GRIN3A: variants seen among roughly 807,000 people sequenced by gnomAD.
GRIN3A encodes glutamate receptor ionotropic, NMDA 3A.
A neutral mutation model predicts 92.4 loss-of-function variants in GRIN3A; 47 were observed. The observed-to-expected ratio is 0.51, with a 90% CI of 0.40 to 0.65. GRIN3A has a LOEUF of 0.65. Among genes scored for constraint, GRIN3A ranks in the 30% least tolerant of loss-of-function variants. GRIN3A has a pLI of 0.00. For missense variants in GRIN3A, 1,324 were observed against 1,393.1 expected (o/e 0.95, Z 0.79); for synonymous variants, 527 against 540.6 (o/e 0.97, Z 0.35).
chr9:101,613,822 T>C (rs750316591), intron 5 of GRIN3A, among the ~76,000 whole-genome samples: 4 of 152,322 alleles, frequency 2.6e-5, no homozygotes, highest in Middle Eastern at 3.4e-3. Flanking sequence ...AGAGGCAATC[T>C]TTGAGGTCTT....
chr9:101,677,698 G>A (rs564017695), intron 2 of GRIN3A, among the ~76,000 whole-genome samples: 1 of 152,114 alleles, frequency 6.6e-6, no homozygotes, highest in African/African-American at 2.4e-5. Flanking sequence ...GCCGAGCCCT[G>A]TGGTATCTGC....
chr9:101,576,150 C>A (rs1164475000), intron 8 of GRIN3A, among the ~76,000 whole-genome samples: 4 of 152,160 alleles, frequency 2.6e-5, no homozygotes, highest in Non-Finnish European at 2.9e-5. Context: ...TTGATTCAAG[C>A]CTTCGTCAGT....
intron 3 of GRIN3A, among the ~76,000 whole-genome samples, chr9:101,652,903 A>C (rs2118919644): frequency 6.6e-6 from 1 of 151,170 alleles, no homozygotes; most frequent in Non-Finnish European, 1.5e-5. Flanking sequence ...GACAGCTTCC[A>C]TTATAATCCT....
intron 1 of GRIN3A, 102 bp from the exon 2 acceptor site, chr9:101,687,302 C>G (rs909410022): frequency 8.6e-7 from 1 of 1,159,778 alleles, no homozygotes. Context: ...TTTAATTTCA[C>G]TGTGATACAT....
chr9:101,654,857 A>T (rs1273517660), intron 3 of GRIN3A, among the ~76,000 whole-genome samples: 1 of 151,792 alleles, frequency 6.6e-6, no homozygotes, highest in Non-Finnish European at 1.5e-5. Flanking sequence ...ATCTTGCTAA[A>T]GTGTAAGATT....
intron 6 of GRIN3A, among the ~76,000 whole-genome samples, chr9:101,583,478 T>C (rs571485763): frequency 6.6e-6 from 1 of 152,182 alleles, no homozygotes; most frequent in South Asian, 2.1e-4. Flanking sequence ...CTTCCCCATA[T>C]TATCAAGTGA....
At chr9:101,696,674 A>G (rs963944054) in intron 1 of GRIN3A, among the ~76,000 whole-genome samples, 3 of 152,202 alleles carry the variant, frequency 2.0e-5, no homozygotes, top group African/African-American at 7.2e-5. Flanking sequence ...AATGGGAACT[A>G]TTGAAATATG....
chr9:101,658,752 G>GTCTGTCTATCTATCTATCTATCTATCTA (rs1476543672), intron 3 of GRIN3A, among the ~76,000 whole-genome samples: 31 of 139,228 alleles, frequency 2.2e-4, no homozygotes, highest in African/African-American at 8.0e-4. Context: ...CTATCTATCT[G>GTCTGTCTATCTATCTATCTATCTATCTA]TCTATCTGTC....
chr9:101,590,917 A>AT (rs1358151441), intron 6 of GRIN3A, among the ~76,000 whole-genome samples: 1 of 152,128 alleles, frequency 6.6e-6, no homozygotes, highest in Non-Finnish European at 1.5e-5. Context: ...TCTGGAAGAT[A>AT]TTTTTTCCTT....
At chr9:101,582,648 A>G (rs181211781) in intron 6 of GRIN3A, among the ~76,000 whole-genome samples, 15 of 152,322 alleles carry the variant, frequency 9.8e-5, no homozygotes, top group Non-Finnish European at 2.1e-4. Context: ...TGTGTACAGG[A>G]TATGGCTATA....
intron 5 of GRIN3A, among the ~76,000 whole-genome samples, chr9:101,617,385 C>T (rs1828475036): frequency 6.6e-6 from 1 of 151,878 alleles, no homozygotes; most frequent in Non-Finnish European, 1.5e-5. Context: ...TCTACATATT[C>T]TAAGAATAGA....
rs185887310 is a variant in GRIN3A, at chr9:101,675,610, T to G, written c.1305-4503A>C. On this transcript the variant is annotated intron_variant, in intron 2 of 8. Coordinates refer to ENST00000361820, the MANE Select transcript of GRIN3A (RefSeq NM_133445.3). ...TCTATTGAAGGAGACAGAATACATA[T>G]GATAAATAGGTAATACGTGTAGGAT... 5.4e-4 allele frequency among the ~76,000 whole-genome samples: 82 copies of G among 151,684 alleles called. 1 individual carries two copies. The highest frequency in any genetic ancestry group is 5.3e-4 in the Admixed American group (8 of 15,210).
chr9:101,570,929 C>T lies in GRIN3A; in HGVS notation c.*2245G>A, dbSNP rs1005762161. Reference sequence around the variant, plus strand: ...GCTGAGTTACAAAAATGTCCATGTACATTAGGAGCATGGCTGTAATGTGGA... The same window carrying T: ...GCTGAGTTACAAAAATGTCCATGTATATTAGGAGCATGGCTGTAATGTGGA... On this transcript the variant is annotated 3_prime_UTR_variant, in exon 9 of 9. Coordinates refer to ENST00000361820, the MANE Select transcript of GRIN3A (RefSeq NM_133445.3). 11 of 152,572 alleles carry T rather than the reference C, an allele frequency of 7.2e-5. No individual in the cohort carries two copies. The highest frequency in any genetic ancestry group is 2.7e-4 in the African/African-American group (11 of 41,436). The allele number at this position is 152,572 out of a possible 1,614,324, so 9.5% of individuals were successfully genotyped here.
intron 6 of GRIN3A, among the ~76,000 whole-genome samples, chr9:101,601,510 T>C (rs1179274949): frequency 6.6e-6 from 1 of 152,228 alleles, no homozygotes; most frequent in East Asian, 1.9e-4. Flanking sequence ...TTAATTATTT[T>C]GCAAGAGCTG....
chr9:101,577,858 C>G lies in GRIN3A; in HGVS notation c.2932-14G>C, dbSNP rs1233963441. 1.3e-6 allele frequency: 2 copies of G among 1,581,008 alleles called. No individual in the cohort carries two copies. Among genetic ancestry groups the G allele is most frequent in the African/African-American group, 2.7e-5 (2 of 74,278 alleles). On this transcript the variant is annotated splice_polypyrimidine_tract_variant and intron_variant, in intron 7 of 8. Transcript: ENST00000361820. Reference sequence around the variant, plus strand: ...TCTGTGTAATCTCTGATGGAGAAAACAGATTCACAGGTAGAAATTATGAGA... The same window carrying G: ...TCTGTGTAATCTCTGATGGAGAAAAGAGATTCACAGGTAGAAATTATGAGA...
intron 1 of GRIN3A, among the ~76,000 whole-genome samples, chr9:101,692,277 A>G (rs1829629689): frequency 6.6e-6 from 1 of 151,966 alleles, no homozygotes; most frequent in Non-Finnish European, 1.5e-5. Context: ...TCCTCCCCAC[A>G]CCCCCAACTC....
intron 2 of GRIN3A, among the ~76,000 whole-genome samples, chr9:101,674,402 C>T (rs913347223): frequency 6.6e-6 from 1 of 151,890 alleles, no homozygotes; most frequent in African/African-American, 2.4e-5. Flanking sequence ...TCATAAAGGG[C>T]TTAAGGTGGT....
chr9:101,725,712 G>T (rs1312546743), intron 1 of GRIN3A, among the ~76,000 whole-genome samples: 1 of 152,164 alleles, frequency 6.6e-6, no homozygotes, highest in Non-Finnish European at 1.5e-5. Context: ...TAAAAATTGT[G>T]TTATGGATAG....
intron 1 of GRIN3A, among the ~76,000 whole-genome samples, chr9:101,724,065 G>C (rs1214328660): frequency 6.6e-6 from 1 of 152,226 alleles, no homozygotes; most frequent in Non-Finnish European, 1.5e-5. Context: ...AGTGGATCCT[G>C]CACCGGGGCT....
Sources: gnomAD v4.1 joint callset for allele counts (sites outside exome capture counted in the v4.1 genomes callset) on GRCh38, gnomAD v4.1.1 for gene constraint, MANE v1.5 for transcripts, NCBI Gene and HGNC (gene_info 2026-07-23, HGNC 2026-07-21) for gene names.